The following CFAP20DC variants were observed in gnomAD, a reference collection of about 807,000 sequenced individuals.
CFAP20DC encodes the protein CFAP20 domain containing, also known as protein CFAP20DC.
A neutral mutation model predicts 101.7 loss-of-function variants in CFAP20DC; 84 were observed. That is an observed-to-expected ratio of 0.83 (90% CI 0.69 to 0.99). The LOEUF (loss-of-function observed/expected upper bound fraction) is 0.99. CFAP20DC is among the 50% of genes least tolerant of loss of function. The pLI, the probability that CFAP20DC is intolerant of heterozygous loss-of-function variation, is 0.00. For missense variants in CFAP20DC, 1,007 were observed against 970.3 expected, an observed-to-expected ratio of 1.04 and a Z score of -0.50; for synonymous variants, 359 against 351.2, an observed-to-expected ratio of 1.02 and a Z score of -0.25.
chr3:58,979,257 G>C (rs1430983098), intron 4 of CFAP20DC, among the ~76,000 whole-genome samples: 1 of 152,212 alleles, frequency 6.6e-6, no homozygotes, highest in Non-Finnish European at 1.5e-5. Context: ...TTAGCCTGTA[G>C]TACTTGGGGC....
At chr3:58,923,246 CT>C (rs1416635772) in intron 5 of CFAP20DC, among the ~76,000 whole-genome samples, 1 of 152,100 alleles carries the variant, frequency 6.6e-6, no homozygotes, top group Admixed American at 6.6e-5. Flanking sequence ...CAATCAAATA[CT>C]TTTAAACGAA....
intron 13 of CFAP20DC, among the ~76,000 whole-genome samples, chr3:58,833,268 C>G (rs757374039): frequency 1.1e-4 from 17 of 152,174 alleles, no homozygotes; most frequent in Non-Finnish European, 2.2e-4. Flanking sequence ...ATGGCACAAG[C>G]AGCTTGGCAC....
chr3:59,041,160 A>C (rs1384786763), intron 3 of CFAP20DC, among the ~76,000 whole-genome samples: 1 of 152,144 alleles, frequency 6.6e-6, no homozygotes, highest in African/African-American at 2.4e-5. Context: ...AGCTGAGAGA[A>C]CAGCAGGATA....
At chr3:58,933,955 A>T (rs1203538258) in intron 5 of CFAP20DC, among the ~76,000 whole-genome samples, 2 of 151,950 alleles carry the variant, frequency 1.3e-5, no homozygotes, top group Admixed American at 1.3e-4. Context: ...GACACAAAAA[A>T]CCCTTCAAAA....
Position 58,912,119 on chromosome 3 carries a change from CT to C in CFAP20DC, c.550+1588del. 1.3e-5 allele frequency among the ~76,000 whole-genome samples: 2 copies of C among 152,156 alleles called. No homozygotes were observed. The highest frequency in any genetic ancestry group is 1.3e-4 in the Admixed American group (2 of 15,258). On this transcript the variant is annotated intron_variant, in intron 6 of 16. Coordinates refer to ENST00000482387, the MANE Select transcript of CFAP20DC (RefSeq NM_001394063.1). This position sits in a 1 kb window ranked among gnomAD's most constrained non-coding sequence, Gnocchi z 4.4. ...ATTCTTTATTCTGGTGGATTTATGC[CT>C]TTTTTATTCCTATATAGTAATTTCA...
chr3:58,914,620 T>C lies in CFAP20DC; in HGVS notation c.394-756A>G, dbSNP rs530109694. ...AGTTTTATGTGCTTCTTTTAAAATATTGGGCTCTTCCATTATTTGTTTAGA... is the reference window on the plus strand; with the variant it reads ...AGTTTTATGTGCTTCTTTTAAAATACTGGGCTCTTCCATTATTTGTTTAGA... On this transcript the variant is annotated intron_variant, in intron 5 of 16. Coordinates refer to ENST00000482387, the MANE Select transcript of CFAP20DC (RefSeq NM_001394063.1). The surrounding 1 kb of genome is among the most constrained non-coding windows in gnomAD (Gnocchi z 4.9). 3.3e-5 allele frequency among the ~76,000 whole-genome samples: 5 copies of C among 151,468 alleles called. No homozygotes were observed. In the East Asian group the frequency reaches 5.8e-4, roughly 18 times the overall value.
At position 58,861,299 on chromosome 3, in the gene CFAP20DC, T is replaced by C; in HGVS notation, c.1593+2259A>G. ...TAATAATATAATTGTTATTCACTTG[T>C]CCACCATTATTTACAACTTGACATT... On this transcript the variant is annotated intron_variant, in intron 12 of 16. Coordinates refer to ENST00000482387, the MANE Select transcript of CFAP20DC (RefSeq NM_001394063.1). This position sits in a 1 kb window ranked among gnomAD's most constrained non-coding sequence, Gnocchi z 4.0. The C allele has an allele frequency of 4.4e-6, 3 of 688,446 alleles. No homozygotes were observed. Among genetic ancestry groups the C allele is most frequent in the African/African-American group, 1.9e-5 (1 of 51,528 alleles). The allele number at this position is 688,446 out of a possible 1,614,324, so 42.6% of individuals were successfully genotyped here. A position where few individuals can be genotyped will look rare whatever the true frequency, so the allele number is the denominator to read the frequency against.
chr3:58,801,165 T>C (rs926147499), intron 15 of CFAP20DC, among the ~76,000 whole-genome samples: 2 of 151,922 alleles, frequency 1.3e-5, no homozygotes, highest in African/African-American at 4.8e-5. Context: ...GACCCGTGGG[T>C]TCTAAATGTG....
At position 58,728,407 on chromosome 3, in the gene CFAP20DC, A is replaced by G. The variant is rs1057267085; in HGVS notation, c.198-10779T>C. On this transcript the variant is annotated intron_variant, in intron 3 of 3. Transcript: ENST00000486145. The surrounding 1 kb of genome is among the most constrained non-coding windows in gnomAD (Gnocchi z 4.7). The stretch of plus-strand genomic sequence containing the variant: ...TTGTTCCATGGGATTTATGCCAAAG[A>G]CTAAAGAATTTTGATGTTTGTGTTA... Among the ~76,000 whole-genome samples the G allele has an allele frequency of 6.6e-6, 1 of 152,242 alleles. No individual in the cohort carries two copies. The highest frequency in any genetic ancestry group is 1.5e-5 in the Non-Finnish European group (1 of 68,040).
At position 58,808,406 on chromosome 3, in the gene CFAP20DC, T is replaced by C. The variant is rs930056484; in HGVS notation, c.2176-1950A>G. Among the ~76,000 whole-genome samples, 5 of 152,174 alleles carry C rather than the reference T, an allele frequency of 3.3e-5. 1 individual carries two copies. Among genetic ancestry groups the C allele is most frequent in the Non-Finnish European group, 7.3e-5 (5 of 68,032 alleles). On this transcript the variant is annotated intron_variant, in intron 14 of 16. Transcript: ENST00000482387. Reference sequence around the variant, plus strand: ...CAAGCCAGAAAAGAGTGGGGACCAATATTCAACATTCTTAAAGAAAAGAAT... The same window carrying C: ...CAAGCCAGAAAAGAGTGGGGACCAACATTCAACATTCTTAAAGAAAAGAAT...
intron 3 of CFAP20DC, among the ~76,000 whole-genome samples, chr3:59,044,005 T>G (rs1167365532): frequency 1.3e-5 from 2 of 152,174 alleles, no homozygotes; most frequent in African/African-American, 4.8e-5. Flanking sequence ...TTCTGATAAG[T>G]AATATCACAA....
At position 58,977,903 on chromosome 3, in the gene CFAP20DC, T is replaced by A. The variant is rs868357259; in HGVS notation, c.279-40141A>T. The stretch of plus-strand genomic sequence containing the variant: ...ACTCTGCATAAGAACCTGAAAGAAG[T>A]GTGGGAAGGAGGATGCAAGAAGAGG... On this transcript the variant is annotated intron_variant, in intron 4 of 16. Coordinates refer to ENST00000482387, the MANE Select transcript of CFAP20DC (RefSeq NM_001394063.1). Among the ~76,000 whole-genome samples the A allele has an allele frequency of 5.3e-5, 8 of 151,892 alleles. No homozygotes were observed. In the South Asian group the frequency reaches 1.0e-3, roughly 20 times the overall value.
rs2093300593 is a variant in CFAP20DC, at chr3:59,001,226, C to G, written c.278+38331G>C. On this transcript the variant is annotated intron_variant, in intron 4 of 16. Coordinates refer to ENST00000482387, the MANE Select transcript of CFAP20DC (RefSeq NM_001394063.1). This position sits in a 1 kb window ranked among gnomAD's most constrained non-coding sequence, Gnocchi z 4.5. ...AAATTATAATTTATGTACTTAATTT[C>G]TATACTTTATCCTTGAAGATTCTTT... Among the ~76,000 whole-genome samples, 1 of 152,096 alleles carries G rather than the reference C, an allele frequency of 6.6e-6. No individual in the cohort carries two copies. Among genetic ancestry groups the G allele is most frequent in the Non-Finnish European group, 1.5e-5 (1 of 68,016 alleles).
Position 58,913,830 on chromosome 3 carries a change from G to T in CFAP20DC, c.428C>A (p.Thr143Asn). ...AACTGCCCCCTTGAATATTTCACTG[G>T]TGAATGCTACTAAGTCAATGCATAG... is the stretch of plus-strand genomic sequence containing the variant. ...CNLCIDLVAF[T>N]SEIFKGAVFQ... is the part of the protein sequence containing the mutation. Residue 143 changes from threonine (T) to asparagine (N), a missense_variant, in exon 6 of 17, where the codon ACC becomes AAC. Physicochemically the swap from Thr to Asn is moderately conservative, Grantham distance 65 (BLOSUM62 0). Transcript: ENST00000482387. This position sits in a 1 kb window ranked among gnomAD's most constrained non-coding sequence, Gnocchi z 4.4. 6.2e-7 allele frequency: 1 copy of T among 1,613,538 alleles called. No homozygotes were observed. Among genetic ancestry groups the T allele is most frequent in the Non-Finnish European group, 8.5e-7 (1 of 1,179,728 alleles).
chr3:58,939,675 G>T (rs1257188024), intron 4 of CFAP20DC, among the ~76,000 whole-genome samples: 1 of 151,452 alleles, frequency 6.6e-6, no homozygotes, highest in Non-Finnish European at 1.5e-5. Context: ...AGTCAGGATG[G>T]TCTCAATCTC....
At chr3:58,766,986 A>C (rs2107456138) in intron 15 of CFAP20DC, among the ~76,000 whole-genome samples, 1 of 152,312 alleles carries the variant, frequency 6.6e-6, no homozygotes, top group East Asian at 1.9e-4. Context: ...TCTTCTCGTT[A>C]AGAGCTCTCG....
At chr3:58,977,575 T>C (rs1486010821) in intron 4 of CFAP20DC, among the ~76,000 whole-genome samples, 1 of 152,132 alleles carries the variant, frequency 6.6e-6, no homozygotes, top group Admixed American at 6.5e-5. Flanking sequence ...TTTTCTGGTA[T>C]CCTGTATCTC....
At chr3:58,854,554 C>G (rs1279538497) in intron 12 of CFAP20DC, among the ~76,000 whole-genome samples, 4 of 152,178 alleles carry the variant, frequency 2.6e-5, no homozygotes, top group Non-Finnish European at 4.4e-5. Flanking sequence ...AAGAACAAAG[C>G]TGGAGGCATC....
chr3:58,784,674 T>C (rs1256385072), intron 15 of CFAP20DC, among the ~76,000 whole-genome samples: 1 of 152,146 alleles, frequency 6.6e-6, no homozygotes, highest in Non-Finnish European at 1.5e-5. Flanking sequence ...TGCTTTTGGA[T>C]ATATACCCAG....
Sources: allele counts gnomAD v4.1 joint callset (sites outside exome capture counted in the v4.1 genomes callset), GRCh38; gene constraint gnomAD v4.1.1; non-coding constraint Gnocchi (gnomAD v3.1); transcripts MANE v1.5; gene names NCBI Gene and HGNC (gene_info 2026-07-23, HGNC 2026-07-21).